ZNF385D: variants seen among roughly 807,000 people sequenced by gnomAD.
The protein encoded by ZNF385D is zinc finger protein 659.
Under a neutral mutation model 35.8 loss-of-function variants are expected in ZNF385D, and 15 were observed. The observed-to-expected ratio is 0.42, with a 90% CI of 0.28 to 0.64. The LOEUF (loss-of-function observed/expected upper bound fraction) is 0.64, where lower values mean the gene tolerates loss of function less well. ZNF385D is among the 30% of genes least tolerant of loss of function. The pLI, the probability that ZNF385D is intolerant of heterozygous loss-of-function variation, is 0.23. For synonymous variants in ZNF385D, 212 were observed against 186.8 expected, an observed-to-expected ratio of 1.13 and a Z score of -1.10; for missense variants, 474 against 494.6, an observed-to-expected ratio of 0.96 and a Z score of 0.39.
At chr3:21,547,525 T>G (rs1276923255) in intron 3 of ZNF385D, among the ~76,000 whole-genome samples, 4 of 152,096 alleles carry the variant, frequency 2.6e-5, no homozygotes, top group Non-Finnish European at 5.9e-5. Flanking sequence ...TGACTGCCGC[T>G]TCCCCAAAAT....
intron 2 of ZNF385D, among the ~76,000 whole-genome samples, chr3:22,366,313 C>T (rs1442865388): frequency 1.3e-5 from 2 of 152,110 alleles, no homozygotes; most frequent in South Asian, 2.1e-4. Flanking sequence ...ATACACTGGT[C>T]TTTACACTCC....
chr3:22,202,570 C>T lies in ZNF385D; in HGVS notation c.107-33535G>A, dbSNP rs1048558453. Among the ~76,000 whole-genome samples the T allele has an allele frequency of 3.9e-5, 6 of 152,090 alleles. No individual in the cohort carries two copies. The South Asian group carries it at 8.3e-4, about 21-fold the overall frequency. Reference sequence around the variant, plus strand: ...TGGAACAACTTTCTGTACCAAAAAGCACCTTCATGAGAACCAAAAATCAGG... The same window carrying T: ...TGGAACAACTTTCTGTACCAAAAAGTACCTTCATGAGAACCAAAAATCAGG... On this transcript the variant is annotated intron_variant, in intron 2 of 5. Transcript: ENST00000494108.
intron 3 of ZNF385D, among the ~76,000 whole-genome samples, chr3:21,815,645 C>T (rs182282366): frequency 1.2e-3 from 178 of 152,238 alleles, no homozygotes; most frequent in African/African-American, 4.2e-3. Flanking sequence ...AGTTGAATCC[C>T]TGAATAGACC....
At chr3:21,622,717 A>G (rs1473599622) in intron 2 of ZNF385D, among the ~76,000 whole-genome samples, 3 of 152,076 alleles carry the variant, frequency 2.0e-5, no homozygotes, top group Non-Finnish European at 2.9e-5. Context: ...AATGATTATT[A>G]TTTAGCTTTT....
At chr3:21,546,618 G>T (rs574387766) in intron 3 of ZNF385D, among the ~76,000 whole-genome samples, 87 of 152,036 alleles carry the variant, frequency 5.7e-4, no homozygotes, top group African/African-American at 2.0e-3. Flanking sequence ...CTAGGAAAGA[G>T]AACTGGATCT....
At chr3:22,214,449 G>C (rs569349478) in intron 2 of ZNF385D, among the ~76,000 whole-genome samples, 4 of 152,220 alleles carry the variant, frequency 2.6e-5, no homozygotes, top group Non-Finnish European at 4.4e-5. Context: ...GGGAACAAGA[G>C]AGATAACCTT....
intron 2 of ZNF385D, among the ~76,000 whole-genome samples, chr3:21,611,537 A>G (rs2064679693): frequency 6.6e-6 from 1 of 152,216 alleles, no homozygotes; most frequent in Admixed American, 6.5e-5. Context: ...CTCTCTATAA[A>G]GCAGACATGA....
intron 3 of ZNF385D, among the ~76,000 whole-genome samples, chr3:21,956,476 G>A (rs1702295225): frequency 6.6e-6 from 1 of 151,928 alleles, no homozygotes; most frequent in African/African-American, 2.4e-5. Flanking sequence ...TGATCTAATT[G>A]TAAATATGTA....
chr3:22,209,519 G>T (rs1173798537), intron 2 of ZNF385D, among the ~76,000 whole-genome samples: 3 of 151,638 alleles, frequency 2.0e-5, no homozygotes, highest in Non-Finnish European at 4.4e-5. Flanking sequence ...ACTAAATATG[G>T]CTTAGGAAAA....
chr3:21,886,358 A>AATGGAGTAAAT (rs6147729), intron 3 of ZNF385D, among the ~76,000 whole-genome samples: 1 of 151,056 alleles, frequency 6.6e-6, no homozygotes. Context: ...GGCTGTGATT[A>AATGGAGTAAAT]ATGAGGAAGA....
chr3:22,194,138 T>C (rs1013074086), intron 2 of ZNF385D, among the ~76,000 whole-genome samples: 4 of 151,504 alleles, frequency 2.6e-5, no homozygotes, highest in Non-Finnish European at 4.4e-5. Context: ...TTTTAAGAGT[T>C]TTATAATCTC....
chr3:21,617,787 G>A (rs913137731), intron 2 of ZNF385D, among the ~76,000 whole-genome samples: 1 of 152,152 alleles, frequency 6.6e-6, no homozygotes, highest in Admixed American at 6.5e-5. Flanking sequence ...GTTTGAGACT[G>A]CATGGTGGAA....
intron 3 of ZNF385D, among the ~76,000 whole-genome samples, chr3:21,963,107 C>G (rs1458169821): frequency 6.6e-6 from 1 of 152,152 alleles, no homozygotes; most frequent in African/African-American, 2.4e-5. Flanking sequence ...GACCCTTTCC[C>G]AAGAAATTTA....
At chr3:21,557,357 A>G (rs573902121) in intron 3 of ZNF385D, among the ~76,000 whole-genome samples, 1 of 152,296 alleles carries the variant, frequency 6.6e-6, no homozygotes, top group African/African-American at 2.4e-5. Flanking sequence ...TAATTTATTG[A>G]GAGTTTTCAG....
At chr3:21,681,458 G>T (rs55789593) in intron 1 of ZNF385D, among the ~76,000 whole-genome samples, 1 of 151,692 alleles carries the variant, frequency 6.6e-6, no homozygotes, top group African/African-American at 2.4e-5. Context: ...AGATATTTCA[G>T]ATAAGCAAGC....
intron 5 of ZNF385D, among the ~76,000 whole-genome samples, chr3:21,436,062 TGAACCCAGTCTTTTTGAGAAAA>T (rs1327941393): frequency 6.6e-6 from 1 of 152,156 alleles, no homozygotes; most frequent in East Asian, 1.9e-4. Flanking sequence ...GTCCTGGCAA[TGAACCCAGTCTTTTTGAGAAAA>T]GTTGATCTTG....
intron 2 of ZNF385D, among the ~76,000 whole-genome samples, chr3:22,330,897 G>A (rs1008151488): frequency 4.6e-5 from 7 of 152,158 alleles, no homozygotes; most frequent in South Asian, 2.1e-4. Context: ...AGATTAGAAG[G>A]TCAGAAACCC....
chr3:21,984,390 C>T (rs1345806672), intron 3 of ZNF385D, among the ~76,000 whole-genome samples: 1 of 122,108 alleles, frequency 8.2e-6, no homozygotes, highest in African/African-American at 3.6e-5. Flanking sequence ...ATATGGCTAG[C>T]CAGTTTTCCC....
At chr3:21,975,743 A>ATG in intron 3 of ZNF385D, among the ~76,000 whole-genome samples, 2 of 85,474 alleles carry the variant, frequency 2.3e-5, no homozygotes, top group Admixed American at 1.1e-4. Flanking sequence ...ATATATATAT[A>ATG]TATATATATA....
Sources: gnomAD v4.1 joint callset for allele counts (sites outside exome capture counted in the v4.1 genomes callset) on GRCh38, gnomAD v4.1.1 for gene constraint, MANE v1.5 for transcripts, NCBI Gene and HGNC (gene_info 2026-07-23, HGNC 2026-07-21) for gene names.